The following LDAH variants were observed in gnomAD, a reference collection of about 807,000 sequenced individuals.
The protein encoded by LDAH is lipid droplet associated hydrolase, also known as lipid droplet-associated hydrolase.
LDAH carries 26 observed loss-of-function variants against 29.6 expected under a neutral mutation model. That is an observed-to-expected ratio of 0.88 (90% confidence interval 0.64 to 1.22). The LOEUF is 1.22. Among genes scored for constraint, LDAH ranks in the 50% most tolerant of loss-of-function variants. The pLI, the probability that LDAH is intolerant of heterozygous loss-of-function variation, is 0.00. For missense variants in LDAH, 344 were observed against 387.3 expected (o/e 0.89, Z 0.94); for synonymous variants, 117 against 133.0 (o/e 0.88, Z 0.83).
At chr2:20,817,680 G>T (rs534060983) in intron 1 of LDAH, among the ~76,000 whole-genome samples, 2 of 152,222 alleles carry the variant, frequency 1.3e-5, no homozygotes, top group African/African-American at 4.8e-5. Flanking sequence ...CCCAGAGGGG[G>T]AAAAATGTAT....
intron 4 of LDAH, among the ~76,000 whole-genome samples, chr2:20,755,068 G>A (rs1668237929): frequency 2.0e-5 from 3 of 151,734 alleles, no homozygotes; most frequent in Admixed American, 6.6e-5. Flanking sequence ...TAGGGATAAG[G>A]GGCAATAATA....
In LDAH at chr2:20,685,040, GC is replaced by G; in HGVS notation, c.*1862del. On this transcript the variant is annotated 3_prime_UTR_variant, in exon 7 of 7. Transcript: ENST00000237822. ...CTCTCTTGCCCAACACAGAGATCAG[GC>G]CAGACCAGGTCAGAAATGCTGGTAA... The G allele has an allele frequency of 7.8e-7, 1 of 1,275,654 alleles. No individual in the cohort carries two copies. Among genetic ancestry groups the G allele is most frequent in the Non-Finnish European group, 1.0e-6 (1 of 955,314 alleles). The allele number at this position is 1,275,654 out of a possible 1,614,324, so 79.0% of individuals were successfully genotyped here. A position where few individuals can be genotyped will look rare whatever the true frequency, so the allele number is the denominator to read the frequency against.
chr2:20,790,506 T>G, intron 2 of LDAH, 108 bp from the exon 3 acceptor site: 5 of 857,642 alleles, frequency 5.8e-6, no homozygotes, highest in Non-Finnish European at 9.1e-6. Context: ...TTCCTCTGAA[T>G]TCTTCAGAGT....
At chr2:20,822,380 T>C (rs1673384252) in intron 1 of LDAH, among the ~76,000 whole-genome samples, 1 of 152,124 alleles carries the variant, frequency 6.6e-6, no homozygotes, top group Non-Finnish European at 1.5e-5. Flanking sequence ...CCTGACCTCC[T>C]GATCCGCCCG....
intron 4 of LDAH, among the ~76,000 whole-genome samples, chr2:20,760,973 A>G (rs1014628970): frequency 6.6e-6 from 1 of 152,226 alleles, no homozygotes; most frequent in Non-Finnish European, 1.5e-5. Context: ...CCTTTCACTT[A>G]CAGCAGTATT....
intron 4 of LDAH, among the ~76,000 whole-genome samples, chr2:20,741,668 C>T (rs892976545): frequency 6.6e-6 from 1 of 152,190 alleles, no homozygotes; most frequent in African/African-American, 2.4e-5. Flanking sequence ...CCATTCTACT[C>T]CCCACTTTAT....
chr2:20,801,562 T>C (rs1403783402), intron 1 of LDAH, 97 bp from the exon 2 acceptor site: 1 of 959,138 alleles, frequency 1.0e-6, no homozygotes, highest in Non-Finnish European at 1.6e-6. Context: ...AGTTTCAATA[T>C]ACCTAGAAGG....
intron 3 of LDAH, among the ~76,000 whole-genome samples, chr2:20,777,346 T>A (rs1445001736): frequency 6.6e-6 from 1 of 152,140 alleles, no homozygotes; most frequent in Non-Finnish European, 1.5e-5. Flanking sequence ...TTTGCCAAAG[T>A]GGTAAGATTA....
chr2:20,727,644 G>T (rs1666110801), intron 5 of LDAH, among the ~76,000 whole-genome samples: 1 of 152,078 alleles, frequency 6.6e-6, no homozygotes, highest in Admixed American at 6.6e-5. Context: ...ATTTTGACTT[G>T]CTATACTGCT....
chr2:20,774,757 T>G, intron 4 of LDAH, 53 bp downstream of exon 4: 1 of 1,550,514 alleles, frequency 6.4e-7, no homozygotes, highest in South Asian at 1.2e-5. Context: ...GTGAGGAGGA[T>G]TTGTGCAGGC....
At chr2:20,789,188 T>G in intron 3 of LDAH, 1 of 1,550,512 alleles carries the variant, frequency 6.4e-7, no homozygotes, top group Non-Finnish European at 8.7e-7. Flanking sequence ...CCCAAATCCA[T>G]AGGTGAAACC....
chr2:20,812,689 G>A (rs1672576531), intron 1 of LDAH, among the ~76,000 whole-genome samples: 1 of 152,162 alleles, frequency 6.6e-6, no homozygotes, highest in Admixed American at 6.5e-5. Flanking sequence ...ATTAGAAACA[G>A]GCATTAACTA....
chr2:20,704,677 G>C (rs1317095515), intron 5 of LDAH, among the ~76,000 whole-genome samples: 1 of 152,186 alleles, frequency 6.6e-6, no homozygotes, highest in East Asian at 1.9e-4. Flanking sequence ...AATCCCAGGT[G>C]ATCTGCCTGT....
At chr2:20,728,879 G>T (rs1425228207) in intron 5 of LDAH, among the ~76,000 whole-genome samples, 2 of 152,190 alleles carry the variant, frequency 1.3e-5, no homozygotes, top group Non-Finnish European at 2.9e-5. Context: ...CCAGATTAGA[G>T]CCAAGGGATT....
chr2:20,801,328 G>T lies in LDAH; in HGVS notation c.136C>A (p.Leu46Ile). Reference sequence around the variant, plus strand: ...CGCTCACCAGGAATAATGAAAATAAGCAGCTTAGGCCTTTTGACACTTTGA... The same window carrying T: ...CGCTCACCAGGAATAATGAAAATAATCAGCTTAGGCCTTTTGACACTTTGA... ...HDQSVKRPKL[L>I]IFIIPGNPGF... Residue 46 changes from leucine to isoleucine, a missense_variant, in exon 2 of 7, where the codon CTT becomes ATT. Coordinates refer to ENST00000237822, the MANE Select transcript of LDAH (RefSeq NM_021925.4). 6.2e-7 allele frequency: 1 copy of T among 1,613,086 alleles called. No individual in the cohort carries two copies. Among genetic ancestry groups the T allele is most frequent in the Non-Finnish European group, 8.5e-7 (1 of 1,179,670 alleles).
rs1662601380 is a variant in LDAH, at chr2:20,686,938, C to G, written c.943G>C (p.Ala315Pro). 6.2e-7 allele frequency: 1 copy of G among 1,613,842 alleles called. No homozygotes were observed. The highest frequency in any genetic ancestry group is 1.7e-5 in the Admixed American group (1 of 59,988). The change falls in exon 7 of 7, where the codon GCT becomes CCT. Residue 315 changes from alanine (A) to proline (P), a missense_variant. Ala to Pro is a conservative substitution (Grantham distance 27, BLOSUM62 -1). Transcript: ENST00000237822. ...HFNQEMADMI[A>P]DSLKDDLSKM ...GACAAGTCATCCTTTAGGGAGTCAG[C>G]AATCATGTCTGCCATTTCCTGGTTA...
At chr2:20,766,198 TTATTC>T (rs1189884797) in intron 4 of LDAH, among the ~76,000 whole-genome samples, 2 of 152,206 alleles carry the variant, frequency 1.3e-5, no homozygotes, top group Admixed American at 1.3e-4. Flanking sequence ...CAATATATTT[TTATTC>T]TATTCTATTT....
At chr2:20,786,025 G>C (rs1030306704) in intron 3 of LDAH, among the ~76,000 whole-genome samples, 20 of 152,128 alleles carry the variant, frequency 1.3e-4, no homozygotes, top group African/African-American at 4.8e-4. Flanking sequence ...TGGTTCTGAT[G>C]CTTGCTTTGT....
At chr2:20,726,231 G>A (rs995193159) in intron 5 of LDAH, among the ~76,000 whole-genome samples, 3 of 152,220 alleles carry the variant, frequency 2.0e-5, no homozygotes, top group African/African-American at 4.8e-5. Context: ...TTGCCTGAGA[G>A]GAGGCAGGGT....
Sources: allele counts gnomAD v4.1 joint callset (sites outside exome capture counted in the v4.1 genomes callset), GRCh38; gene constraint gnomAD v4.1.1; transcripts MANE v1.5; gene names NCBI Gene and HGNC (gene_info 2026-07-23, HGNC 2026-07-21).